Variants in ZNF723 observed in about 807,000 individuals in gnomAD.
ZNF723 encodes the protein zinc finger protein 723, pseudogene.
ZNF723 carries 5 observed loss-of-function variants against 9.4 expected under a neutral mutation model. That is an observed-to-expected ratio of 0.53 (90% confidence interval 0.28 to 1.12). ZNF723 has a LOEUF of 1.12. Ranked by LOEUF, ZNF723 falls within the 50% of genes most tolerant of loss-of-function variation. The pLI is 0.10. For synonymous variants in ZNF723, 158 were observed against 168.8 expected, an observed-to-expected ratio of 0.94 and a Z score of 0.49; for missense variants, 450 against 501.5, an observed-to-expected ratio of 0.90 and a Z score of 0.98.
In ZNF723 at chr19:22,849,305, G is replaced by A; in HGVS notation, c.226+12G>A. 1.8e-6 allele frequency: 1 copy of A among 564,980 alleles called. No homozygotes were observed. The highest frequency in any genetic ancestry group is 3.4e-5 in the South Asian group (1 of 29,428). The allele number at this position is 564,980 out of a possible 1,614,324, so 35.0% of individuals were successfully genotyped here. ...AGCCAAGCCCCCAGGTAGGTGGAGA[G>A]TGAACACAATGGACAACACAGATAA... On this transcript the variant is annotated intron_variant, in intron 3 of 3. Transcript: ENST00000600766.
chr19:22,845,628 C>T (rs1330923658), intron 1 of ZNF723, among the ~76,000 whole-genome samples: 1 of 151,954 alleles, frequency 6.6e-6, no homozygotes, highest in African/African-American at 2.4e-5. Context: ...GGGAGGGCAC[C>T]TAAAGAGAGG....
chr19:22,844,080 G>T (rs1967279674), intron 1 of ZNF723, among the ~76,000 whole-genome samples: 1 of 152,168 alleles, frequency 6.6e-6, no homozygotes, highest in Non-Finnish European at 1.5e-5. Context: ...TGGAAGAGAT[G>T]AGAGTTTTGG....
At chr19:22,837,882 G>C (rs1967187346) in intron 1 of ZNF723, among the ~76,000 whole-genome samples, 2 of 152,114 alleles carry the variant, frequency 1.3e-5, no homozygotes, top group South Asian at 4.1e-4. Context: ...CACTGAATCT[G>C]CAGCAGCAAC....
intron 1 of ZNF723, among the ~76,000 whole-genome samples, chr19:22,836,431 C>T (rs1274930552): frequency 6.6e-6 from 1 of 152,026 alleles, no homozygotes; most frequent in South Asian, 2.1e-4. Flanking sequence ...AAGTACCAAC[C>T]ATAAGATATT....
intron 1 of ZNF723, among the ~76,000 whole-genome samples, chr19:22,838,744 ATTTT>A (rs941562936): frequency 6.6e-5 from 10 of 151,092 alleles, no homozygotes; most frequent in African/African-American, 2.2e-4. Flanking sequence ...TTTTCTTCTT[ATTTT>A]ATTATTATTA....
intron 1 of ZNF723, among the ~76,000 whole-genome samples, chr19:22,843,916 A>G (rs902737733): frequency 1.2e-4 from 18 of 152,300 alleles, no homozygotes; most frequent in African/African-American, 4.1e-4. Context: ...CTCTTAGGCA[A>G]GTTTAGGAAA....
chr19:22,844,283 A>AC (rs921978601), intron 1 of ZNF723, among the ~76,000 whole-genome samples: 54 of 96,180 alleles, frequency 5.6e-4, no homozygotes, highest in African/African-American at 5.8e-4. Context: ...CTAGTCACAC[A>AC]AAAAAAATAT....
At chr19:22,837,673 A>C (rs1168598132) in intron 1 of ZNF723, among the ~76,000 whole-genome samples, 1 of 152,150 alleles carries the variant, frequency 6.6e-6, no homozygotes, top group Non-Finnish European at 1.5e-5. Context: ...TTCTGATGAC[A>C]GACCCCATTT....
upstream of ZNF723, among the ~76,000 whole-genome samples, chr19:22,827,507 G>A (rs57846397): frequency 0.013 from 2,020 of 152,028 alleles, 39 homozygotes; most frequent in African/African-American, 0.047. Context: ...GAGAGCAGTG[G>A]CATGATCTTG....
chr19:22,830,493 A>G (rs1214870418), upstream of ZNF723, among the ~76,000 whole-genome samples: 4 of 150,984 alleles, frequency 2.6e-5, no homozygotes, highest in Non-Finnish European at 5.9e-5. Flanking sequence ...GACTATTCTC[A>G]ATAATAAAGA....
chr19:22,849,003 C>T (rs146772851), intron 2 of ZNF723, among the ~76,000 whole-genome samples, 195 bp from the exon 3 acceptor site: 2,009 of 152,206 alleles, frequency 0.013, 40 homozygotes, highest in African/African-American at 0.046. Context: ...GATCCACCCT[C>T]CTTGGCCTCC....
intron 1 of ZNF723, among the ~76,000 whole-genome samples, chr19:22,844,661 G>T (rs1029044856): frequency 1.1e-4 from 17 of 152,176 alleles, no homozygotes; most frequent in Non-Finnish European, 2.1e-4. Flanking sequence ...AACCAGCAAA[G>T]AATTTGATGC....
intron 3 of ZNF723, among the ~76,000 whole-genome samples, chr19:22,851,227 G>A (rs1157279434): frequency 6.6e-6 from 1 of 151,280 alleles, no homozygotes; most frequent in Non-Finnish European, 1.5e-5. Flanking sequence ...GCTGGAGCGC[G>A]GTGGCACGAT....
rs570159566 is a variant in ZNF723, at chr19:22,858,566, G to A, written c.*133G>A. 7.1e-5 allele frequency: 38 copies of A among 536,234 alleles called. No homozygotes were observed. Among genetic ancestry groups the A allele is most frequent in the African/African-American group, 5.5e-4 (29 of 52,424 alleles). The allele number at this position is 536,234 out of a possible 1,614,324, so 33.2% of individuals were successfully genotyped here. A position where few individuals can be genotyped will look rare whatever the true frequency, so the allele number is the denominator to read the frequency against. On this transcript the variant is annotated 3_prime_UTR_variant, in exon 4 of 4. Coordinates refer to ENST00000600766, the MANE Select transcript of ZNF723 (RefSeq NM_001349726.2). The stretch of plus-strand genomic sequence containing the variant: ...GCAGATCACCTGAGGTCAGGAGTTC[G>A]AGACCAACCTAACATGGTGAAACAA...
chr19:22,837,154 G>A (rs186091831), intron 1 of ZNF723, among the ~76,000 whole-genome samples: 6 of 151,994 alleles, frequency 3.9e-5, no homozygotes, highest in South Asian at 4.2e-4. Context: ...TTAGCTGGGC[G>A]TGGTGGTGTG....
chr19:22,815,281 A>C, the ZNF723 span, among the ~76,000 whole-genome samples: 8 of 152,116 alleles, frequency 5.3e-5, no homozygotes, highest in African/African-American at 1.9e-4. Flanking sequence ...TGTATCTGAC[A>C]CCTAAGATAT....
the ZNF723 span, among the ~76,000 whole-genome samples, chr19:22,814,157 G>C: frequency 0.36 from 54,696 of 152,004 alleles, 10,277 homozygotes; most frequent in African/African-American, 0.5. Flanking sequence ...GAAGGCTCTT[G>C]TATCTGGATT....
chr19:22,831,633 G>C (rs1478660602), upstream of ZNF723, among the ~76,000 whole-genome samples: 3 of 151,628 alleles, frequency 2.0e-5, no homozygotes, highest in Non-Finnish European at 2.9e-5. Flanking sequence ...AATCTTGGCC[G>C]GGCGCGATGG....
upstream of ZNF723, among the ~76,000 whole-genome samples, chr19:22,828,713 G>A (rs1418688628): frequency 1.3e-5 from 2 of 152,138 alleles, no homozygotes; most frequent in East Asian, 1.9e-4. Context: ...TTGTACACTA[G>A]TTCCAAACAG....
Sources: allele counts gnomAD v4.1 joint callset (sites outside exome capture counted in the v4.1 genomes callset), GRCh38; gene constraint gnomAD v4.1.1; transcripts MANE v1.5; gene names NCBI Gene and HGNC (gene_info 2026-07-23, HGNC 2026-07-21).